Variants in SLC12A7 observed in about 807,000 individuals in gnomAD.
SLC12A7 encodes solute carrier family 12 member 7.
Under a neutral mutation model 120.6 loss-of-function variants are expected in SLC12A7, and 100 were observed. The observed-to-expected ratio is 0.83, with a 90% CI of 0.71 to 0.98. The LOEUF (loss-of-function observed/expected upper bound fraction) is 0.98, where lower values mean the gene tolerates loss of function less well. Ranked by LOEUF, SLC12A7 falls within the 50% of genes least tolerant of loss-of-function variation. SLC12A7 has a pLI of 0.00. For synonymous variants in SLC12A7, 760 were observed against 678.0 expected, an observed-to-expected ratio of 1.12 and a Z score of -1.88; for missense variants, 1,373 against 1,548.1, an observed-to-expected ratio of 0.89 and a Z score of 1.90.
At chr5:1,120,839 C>T in the SLC12A7 span, among the ~76,000 whole-genome samples, 76,639 of 152,116 alleles carry the variant, frequency 0.5, 19,994 homozygotes, top group Non-Finnish European at 0.58. Flanking sequence ...CCCTGGGGTG[C>T]ACACCAGCAC....
At chr5:1,121,858 C>T in the SLC12A7 span, among the ~76,000 whole-genome samples, 5 of 152,174 alleles carry the variant, frequency 3.3e-5, no homozygotes, top group Non-Finnish European at 1.5e-5. Context: ...TTCCTGCAGG[C>T]CTTGGAGGCC....
In SLC12A7 at chr5:1,079,607, AGCTGCAGCCGAG is replaced by A. The variant is rs1414629779; in HGVS notation, c.1298-123_1298-112del. The A allele has an allele frequency of 4.7e-6, 4 of 846,382 alleles. No homozygotes were observed. In the East Asian group the frequency reaches 9.8e-5, roughly 21 times the overall value. The allele number at this position is 846,382 out of a possible 1,614,324, so 52.4% of individuals were successfully genotyped here. On this transcript the variant is annotated intron_variant, in intron 9 of 23. Coordinates refer to ENST00000264930, the MANE Select transcript of SLC12A7 (RefSeq NM_006598.3). ...GGTCTCTGGGGAGACCCCGAGCGTGAGCTGCAGCCGAGGCTGCAGTCCAAGCTCCGCCAGCCC... is the reference window on the plus strand; with the variant it reads ...GGTCTCTGGGGAGACCCCGAGCGTGAGCTGCAGTCCAAGCTCCGCCAGCCC...
At chr5:1,093,683 G>A (rs774798674) in intron 2 of SLC12A7, 28 bp from the exon 3 acceptor site, 11 of 1,608,200 alleles carry the variant, frequency 6.8e-6, no homozygotes, top group Admixed American at 1.7e-5. Flanking sequence ...GGTCACAGGC[G>A]GCCCGCACCT....
At chr5:1,087,424 C>T (rs552330403) in intron 5 of SLC12A7, among the ~76,000 whole-genome samples, 16 of 152,386 alleles carry the variant, frequency 1.0e-4, no homozygotes, top group African/African-American at 2.9e-4. Flanking sequence ...GGAGTCGTCT[C>T]GTGTACTGTG....
chr5:1,148,205 C>CTTTTTTTTTTTTTTTTT, the SLC12A7 span, among the ~76,000 whole-genome samples: 18 of 107,636 alleles, frequency 1.7e-4, no homozygotes, highest in African/African-American at 2.7e-4. Context: ...TTCTTTCTTT[C>CTTTTTTTTTTTTTTTTT]TTTTTTTTTT....
chr5:1,135,909 C>T, the SLC12A7 span, among the ~76,000 whole-genome samples: 2 of 152,194 alleles, frequency 1.3e-5, no homozygotes, highest in African/African-American at 4.8e-5. Context: ...TCCCCGTTTC[C>T]CTCAACCTCC....
intron 9 of SLC12A7, among the ~76,000 whole-genome samples, chr5:1,080,235 GA>G (rs1738868374): frequency 4.2e-5 from 4 of 95,768 alleles, no homozygotes; most frequent in East Asian, 2.6e-4. Flanking sequence ...GCGGCGCGGA[GA>G]CACCAGGAGC....
chr5:1,155,082 G>T, the SLC12A7 span, among the ~76,000 whole-genome samples: 1 of 84,626 alleles, frequency 1.2e-5, no homozygotes, highest in Admixed American at 1.1e-4. Context: ...GCCTCCCCCC[G>T]CCCCCGCCCC....
intron 20 of SLC12A7, among the ~76,000 whole-genome samples, chr5:1,060,985 CACTGCACCTGCCGTGCA>C (rs1736131645): frequency 1.3e-5 from 2 of 151,338 alleles, no homozygotes; most frequent in African/African-American, 4.9e-5. Context: ...GCGTCTCACC[CACTGCACCTGCCGTGCA>C]GGATCCCTGA....
chr5:1,080,548 G>GAGGGACCAGA (rs535497932), intron 9 of SLC12A7, among the ~76,000 whole-genome samples: 5 of 152,246 alleles, frequency 3.3e-5, no homozygotes, highest in African/African-American at 4.8e-5. Flanking sequence ...GCAGACGTGG[G>GAGGGACCAGA]AGGGACCAGA....
intron 17 of SLC12A7, among the ~76,000 whole-genome samples, chr5:1,070,012 GC>G (rs2150817086): frequency 5.6e-5 from 3 of 53,150 alleles, no homozygotes; most frequent in South Asian, 1.3e-3. Context: ...TGAGCCCCCA[GC>G]ACACGGGCAT....
chr5:1,140,925 G>T, the SLC12A7 span, among the ~76,000 whole-genome samples: 1 of 152,242 alleles, frequency 6.6e-6, no homozygotes, highest in African/African-American at 2.4e-5. Context: ...AGCCGTTGGG[G>T]GCTGCAGCCA....
At chr5:1,075,890 C>A in intron 14 of SLC12A7, 1 of 533,832 alleles carries the variant, frequency 1.9e-6, no homozygotes, top group Non-Finnish European at 3.3e-6. Flanking sequence ...CATGCAGACA[C>A]CTGGGCATCC....
chr5:1,147,031 C>T, the SLC12A7 span, among the ~76,000 whole-genome samples: 4 of 152,232 alleles, frequency 2.6e-5, no homozygotes, highest in East Asian at 7.7e-4. Flanking sequence ...TTTTCATCGA[C>T]AGGCTTATTT....
At chr5:1,080,346 C>T (rs62331187) in intron 9 of SLC12A7, among the ~76,000 whole-genome samples, 569 of 56,362 alleles carry the variant, frequency 0.01, 37 homozygotes, top group South Asian at 0.035. Context: ...CGGCGCGGAG[C>T]GCACTCAGAC....
At chr5:1,129,352 G>A in the SLC12A7 span, among the ~76,000 whole-genome samples, 18 of 152,202 alleles carry the variant, frequency 1.2e-4, no homozygotes, top group African/African-American at 4.1e-4. Context: ...CAGTCTCACA[G>A]AGCCTTAGCA....
chr5:1,155,263 C>G, the SLC12A7 span, among the ~76,000 whole-genome samples: 2 of 152,164 alleles, frequency 1.3e-5, no homozygotes, highest in Admixed American at 1.3e-4. Context: ...ATCACAGCCC[C>G]GCCCAAGGCC....
At chr5:1,097,887 G>A (rs1461911591) in intron 1 of SLC12A7, among the ~76,000 whole-genome samples, 1 of 152,004 alleles carries the variant, frequency 6.6e-6, no homozygotes, top group Non-Finnish European at 1.5e-5. Flanking sequence ...CTCTACGGAG[G>A]CCACAGCAAG....
intron 7 of SLC12A7, among the ~76,000 whole-genome samples, chr5:1,084,903 G>A (rs377630179): frequency 6.6e-6 from 1 of 152,176 alleles, no homozygotes; most frequent in East Asian, 1.9e-4. Context: ...CCCAGCAGCA[G>A]CCAGGGCCAC....
Sources: allele counts gnomAD v4.1 joint callset (sites outside exome capture counted in the v4.1 genomes callset), GRCh38; gene constraint gnomAD v4.1.1; transcripts MANE v1.5; gene names NCBI Gene and HGNC (gene_info 2026-07-23, HGNC 2026-07-21).